The following PAK1 variants were observed in gnomAD, a reference collection of about 807,000 sequenced individuals.
PAK1 encodes serine/threonine-protein kinase PAK 1.
PAK1 carries 29 observed loss-of-function variants against 67.4 expected under a neutral mutation model. The ratio of observed to expected loss-of-function variants is 0.43; its 90% CI spans 0.32 to 0.59. PAK1 has a LOEUF of 0.59. Ranked by LOEUF, PAK1 falls within the 20% of genes least tolerant of loss-of-function variation. The pLI is 0.07. For missense variants in PAK1, 337 were observed against 670.7 expected (o/e 0.50, Z 5.50); for synonymous variants, 223 against 237.4 (o/e 0.94, Z 0.56).
At chr11:77,490,724 GT>G in the PAK1 span, among the ~76,000 whole-genome samples, 1 of 152,246 alleles carries the variant, frequency 6.6e-6, no homozygotes, top group Non-Finnish European at 1.5e-5. Flanking sequence ...AAATCGGATG[GT>G]TGCCGTGTCT....
intron 1 of PAK1, among the ~76,000 whole-genome samples, chr11:77,403,073 C>A (rs535342214): frequency 2.7e-4 from 41 of 152,322 alleles, no homozygotes; most frequent in African/African-American, 9.1e-4. Context: ...GGCTTCTCTA[C>A]AAGCCCTCTC....
At chr11:77,442,971 G>A (rs992558256) in intron 1 of PAK1, among the ~76,000 whole-genome samples, 9 of 152,124 alleles carry the variant, frequency 5.9e-5, no homozygotes, top group African/African-American at 2.2e-4. Flanking sequence ...CACCTTCCTT[G>A]CAGATTATTG....
At chr11:77,498,063 C>G in the PAK1 span, among the ~76,000 whole-genome samples, 1 of 151,966 alleles carries the variant, frequency 6.6e-6, no homozygotes, top group Non-Finnish European at 1.5e-5. Context: ...TTCTAATCTT[C>G]TAAATGTAAT....
chr11:77,342,752 C>G (rs981275287), intron 10 of PAK1, among the ~76,000 whole-genome samples: 1 of 152,062 alleles, frequency 6.6e-6, no homozygotes, highest in Non-Finnish European at 1.5e-5. Flanking sequence ...AAGAAGGCGC[C>G]CTTATGAAAT....
chr11:77,379,864 C>G, intron 3 of PAK1, 30 bp downstream of exon 3: 1 of 1,456,490 alleles, frequency 6.9e-7, no homozygotes, highest in Admixed American at 1.8e-5. Context: ...CTCTAAAAGA[C>G]TAAAGACCTT....
chr11:77,393,319 A>G (rs1487801842), intron 1 of PAK1, among the ~76,000 whole-genome samples: 1 of 146,678 alleles, frequency 6.8e-6, no homozygotes, highest in East Asian at 2.0e-4. Context: ...GAGAGATGGG[A>G]TTCTTGCTCT....
chr11:77,456,282 A>G (rs1957074304), intron 1 of PAK1, among the ~76,000 whole-genome samples: 1 of 152,174 alleles, frequency 6.6e-6, no homozygotes, highest in Non-Finnish European at 1.5e-5. Flanking sequence ...AAGGATACCC[A>G]CAAAGATCAA....
chr11:77,394,435 G>A (rs1347582726), intron 1 of PAK1, among the ~76,000 whole-genome samples: 1 of 151,294 alleles, frequency 6.6e-6, no homozygotes, highest in Non-Finnish European at 1.5e-5. Context: ...AAATCTATAG[G>A]AGTTTTTTTT....
intron 1 of PAK1, among the ~76,000 whole-genome samples, chr11:77,396,001 T>C (rs1052022179): frequency 6.6e-6 from 1 of 152,132 alleles, no homozygotes; most frequent in Non-Finnish European, 1.5e-5. Context: ...TCTGATACCC[T>C]AGTCAAGTCC....
At chr11:77,470,098 T>C (rs897248579) in intron 1 of PAK1, among the ~76,000 whole-genome samples, 1 of 152,228 alleles carries the variant, frequency 6.6e-6, no homozygotes, top group African/African-American at 2.4e-5. Flanking sequence ...CACTTTCTGG[T>C]TATTATTTAG....
intron 10 of PAK1, among the ~76,000 whole-genome samples, chr11:77,342,461 C>T (rs1943754224): frequency 1.3e-5 from 2 of 152,156 alleles, no homozygotes; most frequent in South Asian, 4.1e-4. Flanking sequence ...AGGCCATACC[C>T]TTACTGACAG....
the PAK1 span, among the ~76,000 whole-genome samples, chr11:77,500,739 G>C: frequency 6.6e-6 from 1 of 152,182 alleles, no homozygotes; most frequent in Non-Finnish European, 1.5e-5. Flanking sequence ...AGCTATTCAG[G>C]AGGCTGAGGC....
At chr11:77,459,123 T>C (rs543113344) in intron 1 of PAK1, among the ~76,000 whole-genome samples, 1 of 151,748 alleles carries the variant, frequency 6.6e-6, no homozygotes. Context: ...AGAGATAGAG[T>C]AGGGTTAGAA....
At chr11:77,348,312 C>T (rs547633589) in intron 9 of PAK1, among the ~76,000 whole-genome samples, 21 of 152,212 alleles carry the variant, frequency 1.4e-4, no homozygotes, top group Non-Finnish European at 2.2e-4. Flanking sequence ...CATTGGCTGA[C>T]ACTCCTACTC....
the PAK1 span, among the ~76,000 whole-genome samples, chr11:77,482,075 G>A: frequency 1.4e-4 from 21 of 151,792 alleles, no homozygotes; most frequent in African/African-American, 4.6e-4. Context: ...TGCAAGCTCC[G>A]CCTCCCGGGT....
intron 1 of PAK1, among the ~76,000 whole-genome samples, chr11:77,444,047 G>A (rs991183177): frequency 6.6e-6 from 1 of 152,054 alleles, no homozygotes; most frequent in East Asian, 1.9e-4. Context: ...GACTCAAAAA[G>A]AATTCCAGTG....
chr11:77,437,209 G>C (rs1478947458), intron 1 of PAK1, among the ~76,000 whole-genome samples: 1 of 152,110 alleles, frequency 6.6e-6, no homozygotes, highest in East Asian at 1.9e-4. Flanking sequence ...GATAACATCA[G>C]AACTCACTTC....
intron 1 of PAK1, among the ~76,000 whole-genome samples, chr11:77,431,567 T>A (rs994330931): frequency 6.6e-6 from 1 of 152,158 alleles, no homozygotes; most frequent in African/African-American, 2.4e-5. Context: ...TGGACTGATA[T>A]GGAAGGCAAT....
the PAK1 span, among the ~76,000 whole-genome samples, chr11:77,508,789 A>T: frequency 1.3e-5 from 2 of 149,740 alleles, no homozygotes; most frequent in African/African-American, 4.9e-5. Flanking sequence ...CCTCCTGAGT[A>T]GCTGGGACTA....
Sources: allele counts gnomAD v4.1 joint callset (sites outside exome capture counted in the v4.1 genomes callset), GRCh38; gene constraint gnomAD v4.1.1; transcripts MANE v1.5; gene names NCBI Gene and HGNC (gene_info 2026-07-23, HGNC 2026-07-21).